Variants in PCDH9 observed in about 807,000 individuals in gnomAD.
PCDH9 encodes protocadherin-9.
A neutral mutation model predicts 70.6 loss-of-function variants in PCDH9; 24 were observed. The ratio of observed to expected loss-of-function variants is 0.34; its 90% CI spans 0.25 to 0.48. The LOEUF is 0.48. Among genes scored for constraint, PCDH9 ranks in the 20% least tolerant of loss-of-function variants. The pLI is 0.99. For synonymous variants in PCDH9, 562 were observed against 558.5 expected (o/e 1.01, Z -0.09); for missense variants, 1,281 against 1,503.6 (o/e 0.85, Z 2.45).
intron 4 of PCDH9, among the ~76,000 whole-genome samples, chr13:66,474,422 G>T (rs982150472): frequency 6.6e-6 from 1 of 152,102 alleles, no homozygotes; most frequent in Non-Finnish European, 1.5e-5. Flanking sequence ...ACAATAGATG[G>T]AGCTATGACT....
intron 2 of PCDH9, among the ~76,000 whole-genome samples, chr13:67,070,414 G>T (rs968615522): frequency 6.6e-6 from 1 of 152,142 alleles, no homozygotes; most frequent in Non-Finnish European, 1.5e-5. Flanking sequence ...AATGTAAAGA[G>T]AAGTAGACAG....
At chr13:66,473,058 C>T (rs889405966) in intron 4 of PCDH9, among the ~76,000 whole-genome samples, 1 of 151,686 alleles carries the variant, frequency 6.6e-6, no homozygotes, top group African/African-American at 2.4e-5. Flanking sequence ...ATAGGTATCC[C>T]AGGAATCACA....
intron 2 of PCDH9, among the ~76,000 whole-genome samples, chr13:67,191,920 C>T (rs955255267): frequency 5.9e-5 from 9 of 151,942 alleles, no homozygotes; most frequent in African/African-American, 1.9e-4. Flanking sequence ...CACTTTAGTA[C>T]TCTGATTTCT....
intron 2 of PCDH9, among the ~76,000 whole-genome samples, chr13:67,135,735 G>A (rs1279255230): frequency 1.3e-5 from 2 of 152,088 alleles, no homozygotes; most frequent in Non-Finnish European, 2.9e-5. Context: ...AAAAGCACTT[G>A]CAGAAAAATA....
At chr13:66,776,882 C>G (rs1811306554) in intron 3 of PCDH9, among the ~76,000 whole-genome samples, 1 of 139,596 alleles carries the variant, frequency 7.2e-6, no homozygotes, top group African/African-American at 2.6e-5. Context: ...TCAAACTATA[C>G]TACAAGGCTA....
intron 4 of PCDH9, among the ~76,000 whole-genome samples, chr13:66,544,800 C>A (rs1961113206): frequency 6.6e-6 from 1 of 152,172 alleles, no homozygotes; most frequent in African/African-American, 2.4e-5. Flanking sequence ...ATGCGGCCAT[C>A]AATACATCTT....
intron 3 of PCDH9, among the ~76,000 whole-genome samples, chr13:66,881,899 G>C (rs1462197039): frequency 6.6e-6 from 1 of 152,178 alleles, no homozygotes; most frequent in Admixed American, 6.5e-5. Flanking sequence ...GTTTATCTAA[G>C]ATAACCTTAA....
intron 2 of PCDH9, among the ~76,000 whole-genome samples, chr13:66,951,886 A>T (rs1250057703): frequency 6.6e-6 from 1 of 152,142 alleles, no homozygotes; most frequent in African/African-American, 2.4e-5. Flanking sequence ...GTTAAAAGAA[A>T]ATTTCAAAGG....
At chr13:67,180,977 A>T (rs2088600014) in intron 2 of PCDH9, among the ~76,000 whole-genome samples, 1 of 152,190 alleles carries the variant, frequency 6.6e-6, no homozygotes, top group South Asian at 2.1e-4. Context: ...AAAGCTCTTC[A>T]TTTTAAATCT....
rs559311232 is a variant in PCDH9 at position 66,806,288 on chromosome 13, T to G, written c.3138+97216A>C. Reference sequence around the variant, plus strand: ...TCAGTGTTACCAGAAAACCAACAATTTGGAGCTCTGGTAATAAATACAGAA... The same window carrying G: ...TCAGTGTTACCAGAAAACCAACAATGTGGAGCTCTGGTAATAAATACAGAA... On this transcript the variant is annotated intron_variant, in intron 3 of 4. Transcript: ENST00000377865. Among the ~76,000 whole-genome samples, 8 of 152,278 alleles carry G rather than the reference T, an allele frequency of 5.3e-5. No individual in the cohort carries two copies. The East Asian group carries it at 1.3e-3, about 26-fold the overall frequency.
At chr13:67,065,507 T>C (rs1464078768) in intron 2 of PCDH9, among the ~76,000 whole-genome samples, 3 of 152,182 alleles carry the variant, frequency 2.0e-5, no homozygotes, top group African/African-American at 7.2e-5. Flanking sequence ...ATGAATCATA[T>C]TATAATGATA....
At chr13:67,041,009 C>G (rs1038949866) in intron 2 of PCDH9, among the ~76,000 whole-genome samples, 2 of 151,878 alleles carry the variant, frequency 1.3e-5, no homozygotes, top group Admixed American at 6.6e-5. Context: ...ACTTCTTCAT[C>G]CTGAATCTTT....
At chr13:67,184,301 A>G (rs1189929321) in intron 2 of PCDH9, among the ~76,000 whole-genome samples, 1 of 152,222 alleles carries the variant, frequency 6.6e-6, no homozygotes, top group Non-Finnish European at 1.5e-5. Flanking sequence ...ATAATGAAAG[A>G]AAAGGAGGTA....
At chr13:66,432,883 T>C (rs980696017) in intron 4 of PCDH9, among the ~76,000 whole-genome samples, 2 of 151,998 alleles carry the variant, frequency 1.3e-5, no homozygotes, top group Admixed American at 1.3e-4. Context: ...TCACATGGCT[T>C]CCCAATGTGC....
chr13:67,185,312 C>T (rs193232232), intron 2 of PCDH9, among the ~76,000 whole-genome samples: 1 of 152,230 alleles, frequency 6.6e-6, no homozygotes, highest in Admixed American at 6.5e-5. Context: ...TCATCATCAA[C>T]TGTGTATGAG....
At chr13:66,506,163 AT>A (rs1434845687) in intron 4 of PCDH9, among the ~76,000 whole-genome samples, 1 of 152,196 alleles carries the variant, frequency 6.6e-6, no homozygotes, top group East Asian at 1.9e-4. Context: ...TGTCAAGTAG[AT>A]GCTCACCAGA....
In PCDH9 at chr13:66,972,251, C is replaced by A. The variant is rs551246709; in HGVS notation, c.3037-68646G>T. On this transcript the variant is annotated intron_variant, in intron 2 of 4. Coordinates refer to ENST00000377865, the MANE Select transcript of PCDH9 (RefSeq NM_203487.3). The stretch of plus-strand genomic sequence containing the variant: ...TAGAATTACTGAAAGATATTCATAG[C>A]TACATCATCTTCTGTGTTAAACAGA... 3.3e-4 allele frequency among the ~76,000 whole-genome samples: 50 copies of A among 152,002 alleles called. 1 individual carries two copies. Among genetic ancestry groups the A allele is most frequent in the African/African-American group, 1.2e-3 (50 of 41,504 alleles).
At chr13:66,946,233 T>C (rs1203953760) in intron 2 of PCDH9, among the ~76,000 whole-genome samples, 2 of 152,152 alleles carry the variant, frequency 1.3e-5, no homozygotes, top group African/African-American at 4.8e-5. Flanking sequence ...AAAGGGAATA[T>C]GATTAGTGTG....
intron 2 of PCDH9, among the ~76,000 whole-genome samples, chr13:67,143,419 G>T (rs915943063): frequency 1.1e-4 from 17 of 152,074 alleles, no homozygotes; most frequent in African/African-American, 3.9e-4. Flanking sequence ...TTGGAAAAAT[G>T]GTTCTGGTCA....
Sources: allele counts gnomAD v4.1 joint callset (sites outside exome capture counted in the v4.1 genomes callset), GRCh38; gene constraint gnomAD v4.1.1; transcripts MANE v1.5; gene names NCBI Gene and HGNC (gene_info 2026-07-23, HGNC 2026-07-21).